TBC1D16: variants seen among roughly 807,000 people sequenced by gnomAD.
TBC1D16 encodes TBC1 domain family member 16.
Under a neutral mutation model 74.7 loss-of-function variants are expected in TBC1D16, and 58 were observed. That is an observed-to-expected ratio of 0.78 (90% confidence interval 0.63 to 0.97). The LOEUF (loss-of-function observed/expected upper bound fraction) is 0.97, where lower values mean the gene tolerates loss of function less well. Ranked by LOEUF, TBC1D16 falls within the 50% of genes least tolerant of loss-of-function variation. The pLI, the probability that TBC1D16 is intolerant of heterozygous loss-of-function variation, is 0.00. For synonymous variants in TBC1D16, 493 were observed against 474.7 expected, an observed-to-expected ratio of 1.04 and a Z score of -0.50; for missense variants, 1,014 against 1,079.5, an observed-to-expected ratio of 0.94 and a Z score of 0.85.
At chr17:80,028,877 G>A (rs984658291) in intron 1 of TBC1D16, among the ~76,000 whole-genome samples, 7 of 152,036 alleles carry the variant, frequency 4.6e-5, no homozygotes, top group Non-Finnish European at 8.8e-5. Flanking sequence ...CTCCCAAAGC[G>A]CCGGGATTAC....
In TBC1D16 at chr17:79,934,752, A is replaced by G. The variant is rs1041044109; in HGVS notation, c.*6107T>C. The G allele has an allele frequency of 1.3e-5, 2 of 152,438 alleles. No individual in the cohort carries two copies. Among genetic ancestry groups the G allele is most frequent in the Non-Finnish European group, 2.9e-5 (2 of 68,194 alleles). 9.4% of individuals were successfully genotyped at this position (152,438 alleles called of 1,614,324 possible). On this transcript the variant is annotated 3_prime_UTR_variant, in exon 12 of 12. Transcript: ENST00000310924. ...ATGAGGCGCTCAGATGTCGAGGCCAAGGCCAGGTAGGTGGCAGGTGAGACA... is the reference window on the plus strand; with the variant it reads ...ATGAGGCGCTCAGATGTCGAGGCCAGGGCCAGGTAGGTGGCAGGTGAGACA...
At chr17:79,984,091 G>A (rs767854127) in intron 3 of TBC1D16, among the ~76,000 whole-genome samples, 48 of 151,856 alleles carry the variant, frequency 3.2e-4, no homozygotes, top group Admixed American at 3.0e-3. Context: ...CTCATTTGTT[G>A]CCCAGGCTGA....
chr17:79,982,347 T>C (rs1360835320), intron 3 of TBC1D16, among the ~76,000 whole-genome samples: 1 of 151,634 alleles, frequency 6.6e-6, no homozygotes, highest in African/African-American at 2.4e-5. Context: ...GGTTTCACCA[T>C]GTTGGCCAGG....
rs759603935 is a variant in TBC1D16, at chr17:79,980,746, A to G, written c.780-27928T>C. Among the ~76,000 whole-genome samples, 2 of 152,320 alleles carry G rather than the reference A, an allele frequency of 1.3e-5. No homozygotes were observed. The highest frequency in any genetic ancestry group is 2.9e-5 in the Non-Finnish European group (2 of 68,020). On this transcript the variant is annotated intron_variant, in intron 3 of 11. Transcript: ENST00000310924. The surrounding 1 kb of genome is among the most constrained non-coding windows in gnomAD (Gnocchi z 7.0). ...AACCGCCTCCGCGCACCCCAACAGC[A>G]GAGACGTAACGTGCAGGACTGACTG...
rs765410417 is a variant in TBC1D16, at chr17:80,023,666, C to CG, written c.-62-10058_-62-10057insC. ...CGAGAACTGCTGCCGGGCCCCCCCC[C>CG]ACCGGCTCAGGGCGTGGCTGGGGTG... On this transcript the variant is annotated intron_variant, in intron 1 of 11. Coordinates refer to ENST00000310924, the MANE Select transcript of TBC1D16 (RefSeq NM_019020.4). Among the ~76,000 whole-genome samples, 8 of 144,472 alleles carry CG rather than the reference C, an allele frequency of 5.5e-5. 1 individual carries two copies. Among genetic ancestry groups the CG allele is most frequent in the Non-Finnish European group, 7.6e-5 (5 of 65,818 alleles). The allele number at this position is 144,472 out of a possible 152,430, so 94.8% of individuals were successfully genotyped here.
rs1409315543 is a variant in TBC1D16 at position 79,941,682 on chromosome 17, C to T, written c.2055+378G>A. ...TCCCCAGTATTCTGGCCACCCTGTC[C>T]CCAGGTCCAGCCTCCTTCTCAGTGT... On this transcript the variant is annotated intron_variant, in intron 11 of 11. Transcript: ENST00000310924. This position sits in a 1 kb window ranked among gnomAD's most constrained non-coding sequence, Gnocchi z 4.3. 2.0e-5 allele frequency among the ~76,000 whole-genome samples: 3 copies of T among 152,200 alleles called. No individual in the cohort carries two copies. The highest frequency in any genetic ancestry group is 4.4e-5 in the Non-Finnish European group (3 of 68,040).
chr17:80,011,957 A>G (rs552453616), intron 2 of TBC1D16, among the ~76,000 whole-genome samples: 1 of 152,186 alleles, frequency 6.6e-6, no homozygotes, highest in African/African-American at 2.4e-5. Flanking sequence ...CATTGATGTC[A>G]CACACGGGGT....
chr17:80,007,571 G>A lies in TBC1D16; in HGVS notation c.779+2589C>T, dbSNP rs1290522867. 6.6e-6 allele frequency among the ~76,000 whole-genome samples: 1 copy of A among 152,196 alleles called. No homozygotes were observed. Among genetic ancestry groups the A allele is most frequent in the Non-Finnish European group, 1.5e-5 (1 of 68,042 alleles). On this transcript the variant is annotated intron_variant, in intron 3 of 11. Coordinates refer to ENST00000310924, the MANE Select transcript of TBC1D16 (RefSeq NM_019020.4). The surrounding 1 kb of genome is among the most constrained non-coding windows in gnomAD (Gnocchi z 4.5). ...GGACTCGAGTGTCAGAGCAGAGAAG[G>A]GGGCCATGGGGAGGGCCCTCCTCAG...
At position 79,950,614 on chromosome 17, in the gene TBC1D16, T is replaced by C. The variant is rs757383694; in HGVS notation, c.1090-36A>G. 2 of 1,600,500 alleles carry C rather than the reference T, an allele frequency of 1.2e-6. No individual in the cohort carries two copies. Among genetic ancestry groups the C allele is most frequent in the Non-Finnish European group, 1.7e-6 (2 of 1,173,540 alleles). On this transcript the variant is annotated intron_variant, in intron 5 of 11. Transcript: ENST00000310924. The surrounding 1 kb of genome is among the most constrained non-coding windows in gnomAD (Gnocchi z 4.6). ...GGAAAACTGGGCAAAGGTCAGGATC[T>C]CAGCCGCGCGGCTTCAGAGGCCAGC...
rs771771239 is a variant in TBC1D16, at chr17:79,942,179, C to T, written c.1936G>A (p.Val646Met). The T allele has an allele frequency of 1.8e-5, 29 of 1,606,220 alleles. No individual in the cohort carries two copies. The highest frequency in any genetic ancestry group is 3.4e-5 in the Admixed American group (2 of 59,398). ...TCCCCGTAGATGGCCACGATGGCCA[C>T]GCAGATGAAAAGGTGGAAGTAGTCC... is the stretch of plus-strand genomic sequence containing the variant. ...QTDYFHLFIC[V>M]AIVAIYGDDV... Residue 646 changes from valine to methionine, a missense_variant, in exon 11 of 12, where the codon GTG (valine) becomes ATG (methionine). By Grantham distance (21) the Val-to-Met change is conservative. Coordinates refer to ENST00000310924, the MANE Select transcript of TBC1D16 (RefSeq NM_019020.4).
At chr17:79,984,571 A>AGG (rs1348582356) in intron 3 of TBC1D16, among the ~76,000 whole-genome samples, 1 of 148,422 alleles carries the variant, frequency 6.7e-6, no homozygotes, top group Non-Finnish European at 1.5e-5. Context: ...AGAGAGAGAG[A>AGG]GAAAGAAAGA....
rs1425503705 is a variant in TBC1D16 at position 79,941,796 on chromosome 17, G to C, written c.2055+264C>G. Among the ~76,000 whole-genome samples, 2 of 152,324 alleles carry C rather than the reference G, an allele frequency of 1.3e-5. No homozygotes were observed. The highest frequency in any genetic ancestry group is 2.9e-5 in the Non-Finnish European group (2 of 68,022). On this transcript the variant is annotated intron_variant, in intron 11 of 11. Coordinates refer to ENST00000310924, the MANE Select transcript of TBC1D16 (RefSeq NM_019020.4). This position sits in a 1 kb window ranked among gnomAD's most constrained non-coding sequence, Gnocchi z 4.3. ...GGTGAATTCGTTCCCTCCTCAGCCAGCGAGGGAGGCTCCTGTGTCAGGGCT... is the reference window on the plus strand; with the variant it reads ...GGTGAATTCGTTCCCTCCTCAGCCACCGAGGGAGGCTCCTGTGTCAGGGCT...
chr17:79,950,875 T>A lies in TBC1D16; in HGVS notation c.1090-297A>T. On this transcript the variant is annotated intron_variant, in intron 5 of 11. Coordinates refer to ENST00000310924, the MANE Select transcript of TBC1D16 (RefSeq NM_019020.4). This position sits in a 1 kb window ranked among gnomAD's most constrained non-coding sequence, Gnocchi z 4.6. Reference sequence around the variant, plus strand: ...GAATGAATGCCTCGTTCGGCCTAACTTCCCTCTGCCGGGAGGGCCTGCAAT... The same window carrying A: ...GAATGAATGCCTCGTTCGGCCTAACATCCCTCTGCCGGGAGGGCCTGCAAT... 6.6e-7 allele frequency: 1 copy of A among 1,508,694 alleles called. No homozygotes were observed. The highest frequency in any genetic ancestry group is 1.2e-5 in the South Asian group (1 of 80,648). 93.5% of individuals were successfully genotyped at this position (1,508,694 alleles called of 1,614,324 possible).
At position 80,030,249 on chromosome 17, in the gene TBC1D16, C is replaced by T. The variant is rs556379708; in HGVS notation, c.-63+5546G>A. Among the ~76,000 whole-genome samples, 46 of 152,282 alleles carry T rather than the reference C, an allele frequency of 3.0e-4. No homozygotes were observed. In the South Asian group the frequency reaches 8.7e-3, roughly 29 times the overall value. On this transcript the variant is annotated intron_variant, in intron 1 of 11. Coordinates refer to ENST00000310924, the MANE Select transcript of TBC1D16 (RefSeq NM_019020.4). ...CACTGTAAGGAGCTGATTTCCAACT[C>T]GCAGGGCGGCCTCTGACCTGCTCAC...
At chr17:79,982,205 G>A (rs2034616189) in intron 3 of TBC1D16, among the ~76,000 whole-genome samples, 1 of 148,940 alleles carries the variant, frequency 6.7e-6, no homozygotes, top group South Asian at 2.2e-4. Flanking sequence ...GGAGTGCAGT[G>A]ACACGATCTC....
rs970085868 is a variant in TBC1D16 at position 79,942,871 on chromosome 17, C to T, written c.1909-665G>A. Among the ~76,000 whole-genome samples, 5 of 152,228 alleles carry T rather than the reference C, an allele frequency of 3.3e-5. 1 individual carries two copies. In the South Asian group the frequency reaches 6.2e-4, roughly 19 times the overall value. The stretch of plus-strand genomic sequence containing the variant: ...GGGCATACTTTGAGGACTCCGCAGC[C>T]CTCCCTTTAAAGACCGCCTCACGGG... On this transcript the variant is annotated intron_variant, in intron 10 of 11. Transcript: ENST00000310924.
At chr17:80,024,635 A>G (rs1214883821) in intron 1 of TBC1D16, among the ~76,000 whole-genome samples, 1 of 147,732 alleles carries the variant, frequency 6.8e-6, no homozygotes, top group African/African-American at 2.6e-5. Context: ...AAGCACACAC[A>G]CCACACACAC....
chr17:79,998,179 C>T (rs1262751819), intron 3 of TBC1D16, among the ~76,000 whole-genome samples: 2 of 150,250 alleles, frequency 1.3e-5, no homozygotes, highest in East Asian at 1.9e-4. Context: ...AGAATAGTGT[C>T]GCTGCCTTTG....
At chr17:79,995,385 G>C (rs991480276) in intron 3 of TBC1D16, among the ~76,000 whole-genome samples, 1 of 152,052 alleles carries the variant, frequency 6.6e-6, no homozygotes, top group African/African-American at 2.4e-5. Flanking sequence ...AATGAAGGAA[G>C]AGCAGCCTCT....
Sources: allele counts gnomAD v4.1 joint callset (sites outside exome capture counted in the v4.1 genomes callset), GRCh38; gene constraint gnomAD v4.1.1; non-coding constraint Gnocchi (gnomAD v3.1); transcripts MANE v1.5; gene names NCBI Gene and HGNC (gene_info 2026-07-23, HGNC 2026-07-21).